The following C2CD5 variants were observed in gnomAD, a reference collection of about 807,000 sequenced individuals.
C2CD5 encodes C2 calcium dependent domain containing 5.
In C2CD5, 109 loss-of-function variants were observed where a neutral mutation model predicts 130.3. The ratio of observed to expected loss-of-function variants is 0.84; its 90% confidence interval spans 0.72 to 0.98. The LOEUF (loss-of-function observed/expected upper bound fraction) is 0.98. C2CD5 is among the 50% of genes least tolerant of loss of function. The pLI is 0.00. For missense variants in C2CD5, 996 were observed against 1,261.8 expected, an observed-to-expected ratio of 0.79 and a Z score of 3.19; for synonymous variants, 454 against 429.2, an observed-to-expected ratio of 1.06 and a Z score of -0.71.
intron 14 of C2CD5, among the ~76,000 whole-genome samples, chr12:22,480,349 C>T (rs1944531594): frequency 6.6e-6 from 1 of 152,192 alleles, no homozygotes; most frequent in Non-Finnish European, 1.5e-5. Flanking sequence ...TAGAATAGCA[C>T]AGTGCCAGAC....
In C2CD5 at chr12:22,449,908, C is replaced by T. The variant is rs754376430; in HGVS notation, c.3025-17G>A. 6.3e-7 allele frequency: 1 copy of T among 1,597,412 alleles called. No homozygotes were observed. The highest frequency in any genetic ancestry group is 1.1e-5 in the South Asian group (1 of 89,792). On this transcript the variant is annotated splice_polypyrimidine_tract_variant and intron_variant, in intron 26 of 26. Coordinates refer to ENST00000446597, the MANE Select transcript of C2CD5 (RefSeq NM_001286176.2). The stretch of plus-strand genomic sequence containing the variant: ...ACACTGTGCCTATAAGAACAACAAA[C>T]AGGACAGGTTCAGTTATACTCAACA...
At chr12:22,473,835 A>T (rs1394367104) in intron 16 of C2CD5, among the ~76,000 whole-genome samples, 1 of 152,154 alleles carries the variant, frequency 6.6e-6, no homozygotes, top group Non-Finnish European at 1.5e-5. Flanking sequence ...TGTAAATAGT[A>T]CCCTGGAACT....
chr12:22,517,672 A>G (rs1006661765), intron 8 of C2CD5, among the ~76,000 whole-genome samples: 1 of 152,200 alleles, frequency 6.6e-6, no homozygotes, highest in African/African-American at 2.4e-5. Flanking sequence ...CACTAGTGTT[A>G]CTTTTTAGTC....
chr12:22,454,910 G>A (rs1939508275), intron 25 of C2CD5, among the ~76,000 whole-genome samples: 1 of 152,122 alleles, frequency 6.6e-6, no homozygotes, highest in Non-Finnish European at 1.5e-5. Context: ...ATAAAATCCA[G>A]TAGTTCAGGG....
At position 22,504,304 on chromosome 12, in the gene C2CD5, C is replaced by CT. The variant is rs10707954; in HGVS notation, c.1147+2406dup. On this transcript the variant is annotated intron_variant, in intron 10 of 26. Transcript: ENST00000446597. ...AAATAAAATCAAAATGTTTTTTTTTCTTTTTTTTTTTTTTTGAGAAGGAGT... is the reference window on the plus strand; with the variant it reads ...AAATAAAATCAAAATGTTTTTTTTTCTTTTTTTTTTTTTTTTGAGAAGGAGT... 2.6e-3 allele frequency among the ~76,000 whole-genome samples: 355 copies of CT among 135,584 alleles called. 1 individual carries two copies. Among genetic ancestry groups the CT allele is most frequent in the Admixed American group, 4.1e-3 (56 of 13,674 alleles). The allele number at this position is 135,584 out of a possible 152,430, so 88.9% of individuals were successfully genotyped here.
intron 16 of C2CD5, among the ~76,000 whole-genome samples, chr12:22,473,922 T>C (rs1943434570): frequency 6.6e-6 from 1 of 151,974 alleles, no homozygotes; most frequent in Admixed American, 6.6e-5. Context: ...GGGGAAAAAG[T>C]GGGGGGCAAA....
rs553220153 is a variant in C2CD5, at chr12:22,473,536, T to C, written c.2044-729A>G. ...GTCCTGTCTCTTTGTCCTCTCTTAC[T>C]GGATATTCCACTTGCCCTCTGTCCT... is the stretch of plus-strand genomic sequence containing the variant. On this transcript the variant is annotated intron_variant, in intron 16 of 26. Transcript: ENST00000446597. 1.1e-4 allele frequency among the ~76,000 whole-genome samples: 17 copies of C among 152,306 alleles called. No homozygotes were observed. In the South Asian group the frequency reaches 3.5e-3, roughly 32 times the overall value.
intron 13 of C2CD5, 116 bp from the exon 14 acceptor site, chr12:22,482,859 T>G: frequency 1.4e-6 from 1 of 711,156 alleles, no homozygotes; most frequent in Non-Finnish European, 2.4e-6. Context: ...TCTAATGGGC[T>G]TACTGAGTTA....
At chr12:22,504,787 C>T (rs1253150784) in intron 10 of C2CD5, among the ~76,000 whole-genome samples, 1 of 152,134 alleles carries the variant, frequency 6.6e-6, no homozygotes, top group East Asian at 1.9e-4. Flanking sequence ...CTCAGTATTT[C>T]CTTGCATTTT....
chr12:22,505,201 A>G (rs1948333897), intron 10 of C2CD5, among the ~76,000 whole-genome samples: 1 of 151,360 alleles, frequency 6.6e-6, no homozygotes, highest in Admixed American at 6.6e-5. Flanking sequence ...AATAGTCATT[A>G]TCTACAATAT....
At chr12:22,465,451 T>C (rs1340282080) in intron 22 of C2CD5, among the ~76,000 whole-genome samples, 3 of 152,158 alleles carry the variant, frequency 2.0e-5, no homozygotes, top group African/African-American at 7.2e-5. Flanking sequence ...ACTTGTCTAA[T>C]ATAAGTTCTT....
chr12:22,525,783 AAAT>A, intron 4 of C2CD5, 78 bp from the exon 5 acceptor site: 2 of 763,336 alleles, frequency 2.6e-6, no homozygotes, highest in Non-Finnish European at 4.6e-6. Context: ...AATTAATGCT[AAAT>A]AATGATTTTA....
chr12:22,504,956 G>A lies in C2CD5; in HGVS notation c.1147+1755C>T, dbSNP rs12318771. ...TATATTGACCACAAAAATAAGAAAC[G>A]GGGGGAAAAAAAACTAAAGAAGGGG... is the stretch of plus-strand genomic sequence containing the variant. On this transcript the variant is annotated intron_variant, in intron 10 of 26. Coordinates refer to ENST00000446597, the MANE Select transcript of C2CD5 (RefSeq NM_001286176.2). Among the ~76,000 whole-genome samples, 322 of 151,806 alleles carry A rather than the reference G, an allele frequency of 2.1e-3. 8 individuals carry two copies. The East Asian group carries it at 0.051, about 24-fold the overall frequency.
intron 9 of C2CD5, among the ~76,000 whole-genome samples, chr12:22,507,200 C>T (rs1354099076): frequency 6.6e-6 from 1 of 152,096 alleles, no homozygotes; most frequent in Non-Finnish European, 1.5e-5. Flanking sequence ...GGTTTAGACA[C>T]CCCCTTCACA....
At chr12:22,518,257 G>A in intron 7 of C2CD5, 120 bp from the exon 8 acceptor site, 2 of 918,060 alleles carry the variant, frequency 2.2e-6, no homozygotes, top group Admixed American at 3.8e-5. Flanking sequence ...TCTTACGTGT[G>A]GAGCTGGGAA....
At chr12:22,520,264 T>C (rs759198142) in intron 7 of C2CD5, among the ~76,000 whole-genome samples, 18 of 152,164 alleles carry the variant, frequency 1.2e-4, no homozygotes, top group Non-Finnish European at 2.5e-4. Flanking sequence ...CCCCATTTTT[T>C]AGAACGCAAA....
chr12:22,531,302 GAA>G (rs1397154245), intron 3 of C2CD5, among the ~76,000 whole-genome samples: 1 of 152,084 alleles, frequency 6.6e-6, no homozygotes, highest in Non-Finnish European at 1.5e-5. Flanking sequence ...AAGAAAATGA[GAA>G]GAGAATCAAA....
chr12:22,528,195 A>C (rs1005837688), intron 3 of C2CD5, among the ~76,000 whole-genome samples: 21 of 152,184 alleles, frequency 1.4e-4, no homozygotes, highest in Admixed American at 2.6e-4. Flanking sequence ...TTTGCCTATG[A>C]TACATAGCAA....
Position 22,449,658 on chromosome 12 carries a change from T to C in C2CD5, c.*102A>G, listed in dbSNP as rs1440929814. 9.4e-7 allele frequency: 1 copy of C among 1,065,400 alleles called. No homozygotes were observed. The highest frequency in any genetic ancestry group is 1.4e-6 in the Non-Finnish European group (1 of 730,556). The allele number at this position is 1,065,400 out of a possible 1,614,324, so 66.0% of individuals were successfully genotyped here. ...AAATCAAATCTACTCAATTCTTCCT[T>C]ATTTATCTCAAGTTCAATTTTAAGT... On this transcript the variant is annotated 3_prime_UTR_variant, in exon 27 of 27. Coordinates refer to ENST00000446597, the MANE Select transcript of C2CD5 (RefSeq NM_001286176.2).
Sources: gnomAD v4.1 joint callset for allele counts (sites outside exome capture counted in the v4.1 genomes callset) on GRCh38, gnomAD v4.1.1 for gene constraint, MANE v1.5 for transcripts, NCBI Gene and HGNC (gene_info 2026-07-23, HGNC 2026-07-21) for gene names.